Variants in PHKA2 observed in about 807,000 individuals in gnomAD.
PHKA2 encodes the protein phosphorylase b kinase regulatory subunit alpha, liver isoform.
PHKA2 carries 31 observed loss-of-function variants against 102.0 expected under a neutral mutation model. That is an observed-to-expected ratio of 0.30 (90% confidence interval 0.23 to 0.41). The LOEUF (loss-of-function observed/expected upper bound fraction) is 0.41. Among genes scored for constraint, PHKA2 ranks in the 10% least tolerant of loss-of-function variants. PHKA2 has a pLI of 1.00. For missense variants in PHKA2, 858 were observed against 1,023.1 expected, an observed-to-expected ratio of 0.84 and a Z score of 2.20; for synonymous variants, 455 against 416.2, an observed-to-expected ratio of 1.09 and a Z score of -1.13.
Position 18,894,200 on chromosome X carries a change from C to G in PHKA2, c.3537+4G>C, listed in dbSNP as rs2147802282. The G allele has an allele frequency of 8.3e-7, 1 of 1,207,661 alleles. No individual in the cohort carries two copies. The highest frequency in any genetic ancestry group is 1.8e-5 in the South Asian group (1 of 56,772). ...CAGCCAACCCAGCTCCCTGGCACCC[C>G]CACCTGGTCCTGCAAGAACAGCTGA... On this transcript the variant is annotated splice_donor_region_variant and intron_variant, in intron 32 of 32. Transcript: ENST00000379942.
At chrX:18,940,192 A>T in intron 8 of PHKA2, 144 bp from the exon 9 acceptor site, 1 of 490,117 alleles carries the variant, frequency 2.0e-6, no homozygotes, top group Non-Finnish European at 3.6e-6. Flanking sequence ...AGTTATTAAT[A>T]TATTTAAGTA....
chrX:18,912,863 A>T (rs190540129), intron 19 of PHKA2, among the ~76,000 whole-genome samples: 1 of 111,060 alleles, frequency 9.0e-6, no homozygotes, highest in African/African-American at 3.3e-5. Flanking sequence ...GTGAGCTGAG[A>T]TCATGCCATT....
intron 15 of PHKA2, 54 bp from the exon 16 acceptor site, chrX:18,924,579 C>G: frequency 1.8e-6 from 2 of 1,129,838 alleles, no homozygotes; most frequent in South Asian, 1.8e-5. Flanking sequence ...CCTGGAAACA[C>G]CAGCTGACAA....
chrX:18,924,576 A>G (rs2048182349), intron 15 of PHKA2, 51 bp from the exon 16 acceptor site: 2 of 1,125,249 alleles, frequency 1.8e-6, no homozygotes, highest in East Asian at 3.0e-5. Flanking sequence ...TTACCTGGAA[A>G]CACCAGCTGA....
At chrX:18,897,387 A>G in intron 29 of PHKA2, 54 bp from the exon 30 acceptor site, 1 of 1,131,617 alleles carries the variant, frequency 8.8e-7, no homozygotes, top group Non-Finnish European at 1.2e-6. Context: ...TGCCCCAGGG[A>G]AAGTGCGCCA....
Position 18,907,943 on chromosome X carries a change from T to C in PHKA2, c.2474A>G (p.Tyr825Cys). ...TTTCTTCCTGAGAAGGCCTGAGATG[T>C]AGCGAATCAGACCCCACTCCTGGTT... The part of the protein sequence containing the change: ...GLNQEWGLIR[Y>C]ISGLLRKKVE... The change falls in exon 22 of 33, where the codon TAC becomes TGC. Residue 825 changes from tyrosine (Y) to cysteine (C), a missense_variant. Physicochemically the swap from Tyr to Cys is radical, Grantham distance 194. Transcript: ENST00000379942. 1 of 1,211,400 alleles carries C rather than the reference T, an allele frequency of 8.3e-7. No homozygotes were observed. Among genetic ancestry groups the C allele is most frequent in the Non-Finnish European group, 1.1e-6 (1 of 895,236 alleles).
chrX:18,925,574 T>C (rs766258967), intron 15 of PHKA2, 94 bp downstream of exon 15: 7 of 574,110 alleles, frequency 1.2e-5, no homozygotes, highest in Non-Finnish European at 2.2e-5. Context: ...TTTGAACCTA[T>C]GCATGCAGAA....
chrX:18,950,031 G>C (rs1435234870), intron 4 of PHKA2, among the ~76,000 whole-genome samples: 1 of 111,915 alleles, frequency 8.9e-6, no homozygotes, highest in African/African-American at 3.3e-5. Flanking sequence ...ACCTGGGGGA[G>C]CATCTGTGGC....
chrX:18,918,613 A>C, intron 19 of PHKA2, 68 bp downstream of exon 19: 2 of 1,064,042 alleles, frequency 1.9e-6, no homozygotes, highest in Non-Finnish European at 2.6e-6. Context: ...TTGGCTTTTA[A>C]ATTATGTCCC....
intron 1 of PHKA2, among the ~76,000 whole-genome samples, chrX:18,956,386 AC>A (rs1184227094): frequency 9.0e-6 from 1 of 111,622 alleles, no homozygotes; most frequent in Non-Finnish European, 1.9e-5. Flanking sequence ...TAAGCCGGGG[AC>A]AGGGAAACAT....
At chrX:18,908,233 G>A (rs765901977) in intron 21 of PHKA2, among the ~76,000 whole-genome samples, 177 bp from the exon 22 acceptor site, 1 of 112,399 alleles carries the variant, frequency 8.9e-6, no homozygotes. Flanking sequence ...CCTAACATCA[G>A]GACGTGGTGG....
In PHKA2 at chrX:18,925,689, T is replaced by C; in HGVS notation, c.1548A>G (p.Gln516=). The stretch of plus-strand genomic sequence containing the variant: ...TCACCTGGGGTGTAAAAGTAAAGAT[T>C]TGGTTCCTAATCACATATAGTTTAG... The part of the protein sequence containing the change: ...GTSKLYVIRN[Q]IFTFTPQFTD... The change falls in exon 15 of 33, where the codon CAA becomes CAG. Residue 516 remains glutamine, a synonymous_variant. Coordinates refer to ENST00000379942, the MANE Select transcript of PHKA2 (RefSeq NM_000292.3). The C allele has an allele frequency of 9.3e-6, 11 of 1,181,016 alleles. No individual in the cohort carries two copies. Among genetic ancestry groups the C allele is most frequent in the Non-Finnish European group, 1.3e-5 (11 of 867,412 alleles).
chrX:18,981,977 A>T (rs191663771), intron 1 of PHKA2, among the ~76,000 whole-genome samples: 16 of 112,302 alleles, frequency 1.4e-4, no homozygotes, highest in African/African-American at 5.2e-4. Flanking sequence ...GGTCTGACAA[A>T]AGAACCAAGC....
chrX:18,925,493 A>G (rs1254522053), intron 15 of PHKA2, among the ~76,000 whole-genome samples, 175 bp downstream of exon 15: 2 of 112,388 alleles, frequency 1.8e-5, no homozygotes, highest in Non-Finnish European at 3.8e-5. Flanking sequence ...GCCTGTCTCA[A>G]AAAGCATTTA....
chrX:18,896,888 G>A (rs1170637459), intron 30 of PHKA2, among the ~76,000 whole-genome samples: 1 of 112,024 alleles, frequency 8.9e-6, no homozygotes, highest in Non-Finnish European at 1.9e-5. Flanking sequence ...CGGGATGTTT[G>A]ATAATGCCTG....
chrX:18,945,237 T>C, intron 5 of PHKA2, 79 bp from the exon 6 acceptor site: 3 of 599,669 alleles, frequency 5.0e-6, no homozygotes, highest in Non-Finnish European at 8.7e-6. Flanking sequence ...TTCCTTTATG[T>C]TCCTGCAGCC....
chrX:18,916,066 C>T (rs1247481238), intron 19 of PHKA2, among the ~76,000 whole-genome samples: 2 of 111,816 alleles, frequency 1.8e-5, no homozygotes, highest in Admixed American at 1.9e-4. Flanking sequence ...AAGCCGGGAG[C>T]AGAGAAGATC....
chrX:18,933,234 C>T (rs770604783), intron 11 of PHKA2, among the ~76,000 whole-genome samples: 12 of 112,564 alleles, frequency 1.1e-4, no homozygotes, highest in Admixed American at 5.6e-4. Flanking sequence ...CCACCTCCTG[C>T]CCCGCATGGA....
rs1178105597 is a variant in PHKA2, at chrX:18,907,382, T to C, written c.2518-285A>G. On this transcript the variant is annotated intron_variant, in intron 22 of 32. Transcript: ENST00000379942. ...TAATGCCCATCCACTAGCAAACACA[T>C]TGGACTCCCTGCTATTGAGTGAGAC... Among the ~76,000 whole-genome samples, 6 of 112,408 alleles carry C rather than the reference T, an allele frequency of 5.3e-5. 1 individual carries two copies. The highest frequency in any genetic ancestry group is 1.3e-4 in the African/African-American group (4 of 30,888).
Sources: gnomAD v4.1 joint callset for allele counts (sites outside exome capture counted in the v4.1 genomes callset) on GRCh38, gnomAD v4.1.1 for gene constraint, MANE v1.5 for transcripts, NCBI Gene and HGNC (gene_info 2026-07-23, HGNC 2026-07-21) for gene names.